AUNIP: variants seen among roughly 807,000 people sequenced by gnomAD.
AUNIP encodes the protein aurora kinase A and ninein interacting protein, also known as aurora kinase A- and ninein-interacting protein.
Under a neutral mutation model 12.2 loss-of-function variants are expected in AUNIP, and 16 were observed. The observed-to-expected ratio is 1.31, with a 90% CI of 0.88 to 1.99. The LOEUF (loss-of-function observed/expected upper bound fraction) is 1.99. AUNIP is among the 30% of genes most tolerant of loss of function. AUNIP has a pLI of 0.00. For missense variants in AUNIP, 411 were observed against 419.1 expected, an observed-to-expected ratio of 0.98 and a Z score of 0.17; for synonymous variants, 142 against 154.8, an observed-to-expected ratio of 0.92 and a Z score of 0.61.
At chr1:25,838,749 A>C (rs2048323260) in intron 1 of AUNIP, among the ~76,000 whole-genome samples, 1 of 152,222 alleles carries the variant, frequency 6.6e-6, no homozygotes, top group Admixed American at 6.5e-5. Context: ...CCTCATCCTT[A>C]TTTAATGTGA....
rs143920532 is a variant in AUNIP at position 25,846,894 on chromosome 1, C to T, written c.79-9340G>A. On this transcript the variant is annotated intron_variant, in intron 1 of 2. Transcript: ENST00000374298. ...CCATTATAGCAGTGGCTGCATATGG[C>T]TCTCTCGGTCACAGAGATGACAGTC... Among the ~76,000 whole-genome samples the T allele has an allele frequency of 6.7e-3, 1,026 of 152,310 alleles. 10 individuals are homozygous for T. The highest frequency in any genetic ancestry group is 0.023 in the African/African-American group (949 of 41,552).
chr1:25,853,444 A>G (rs1385099342), intron 1 of AUNIP, among the ~76,000 whole-genome samples: 1 of 152,054 alleles, frequency 6.6e-6, no homozygotes, highest in Admixed American at 6.6e-5. Context: ...TAAAAATACC[A>G]AAATTAGCCA....
In AUNIP at chr1:25,859,293, C is replaced by T. The variant is rs1344862407; in HGVS notation, c.65G>A (p.Arg22Lys). 4 of 1,577,316 alleles carry T rather than the reference C, an allele frequency of 2.5e-6. No homozygotes were observed. Among genetic ancestry groups the T allele is most frequent in the African/African-American group, 2.7e-5 (2 of 73,748 alleles). Reference sequence around the variant, plus strand: ...CCAGCGTCCCACCTGCACTTTCCGCCTCTTCAGCGCCGCCGCGTCCAGCCA... The same window carrying T: ...CCAGCGTCCCACCTGCACTTTCCGCTTCTTCAGCGCCGCCGCGTCCAGCCA... ...GVWLDAAALKRRKVQTHLIKP... is the reference protein window; with the variant it reads ...GVWLDAAALKKRKVQTHLIKP... The change falls in exon 1 of 3, where the codon AGG (arginine) becomes AAG (lysine). Residue 22 changes from arginine (R) to lysine (K), a missense_variant. Physicochemically the swap from Arg to Lys is conservative, Grantham distance 26. Transcript: ENST00000374298.
chr1:25,833,876 T>C (rs908774161), downstream of AUNIP: 8 of 361,708 alleles, frequency 2.2e-5, no homozygotes, highest in East Asian at 1.0e-3. Flanking sequence ...AATAATGCCT[T>C]GGGTAGAAGA....
chr1:25,838,965 G>A (rs1394856446), intron 1 of AUNIP, among the ~76,000 whole-genome samples: 1 of 152,150 alleles, frequency 6.6e-6, no homozygotes, highest in Admixed American at 6.5e-5. Context: ...TGGAAACTAA[G>A]TTGTACTTTA....
rs554672926 is a variant in AUNIP at position 25,835,058 on chromosome 1, G to C, written c.1009C>G (p.Leu337Val). The C allele has an allele frequency of 1.2e-6, 2 of 1,614,238 alleles. No individual in the cohort carries two copies. Among genetic ancestry groups the C allele is most frequent in the Admixed American group, 3.3e-5 (2 of 60,020 alleles). The part of the protein sequence containing the change: ...QCQEDGPTQN[L>V]KPDLLFTQDS... ...TGGGTAAAGAGCAAATCAGGCTTCA[G>C]ATTTTGAGTTGGCCCATCCTCCTGG... The change falls in exon 3 of 3, where the codon CTG becomes GTG. Residue 337 changes from leucine (L) to valine (V), a missense_variant. Transcript: ENST00000374298.
In AUNIP at chr1:25,834,428, A is replaced by G. The variant is rs1011894739; in HGVS notation, c.*565T>C. On this transcript the variant is annotated 3_prime_UTR_variant, in exon 3 of 3. Transcript: ENST00000374298. ...CAGGAGATGGAGACCATCCTGGCTA[A>G]TATGGTGAAACCTCGTCTCTACTAA... 6 of 848,962 alleles carry G rather than the reference A, an allele frequency of 7.1e-6. No homozygotes were observed. Among genetic ancestry groups the G allele is most frequent in the Non-Finnish European group, 8.5e-6 (6 of 705,816 alleles). The allele number at this position is 848,962 out of a possible 1,614,324, so 52.6% of individuals were successfully genotyped here. A position where few individuals can be genotyped will look rare whatever the true frequency, so the allele number is the denominator to read the frequency against.
rs138954439 is a variant in AUNIP at position 25,854,087 on chromosome 1, T to G, written c.78+5193A>C. On this transcript the variant is annotated intron_variant, in intron 1 of 2. Coordinates refer to ENST00000374298, the MANE Select transcript of AUNIP (RefSeq NM_024037.3). ...TTAGCCGGGCATAGTGGTGCACGCC[T>G]GTAATCCCAGTTACTCATAAGGTGA... 1.7e-3 allele frequency among the ~76,000 whole-genome samples: 252 copies of G among 152,232 alleles called. 2 individuals carry two copies. Among genetic ancestry groups the G allele is most frequent in the East Asian group, 0.011 (56 of 5,180 alleles).
In AUNIP at chr1:25,857,249, T is replaced by C. The variant is rs1241826028; in HGVS notation, c.78+2031A>G. Among the ~76,000 whole-genome samples, 6 of 46,998 alleles carry C rather than the reference T, an allele frequency of 1.3e-4. No individual in the cohort carries two copies. In the South Asian group the frequency reaches 0.016, roughly 124 times the overall value. The allele number at this position is 46,998 out of a possible 152,430, so 30.8% of individuals were successfully genotyped here. ...ATAAATAGCTATTGCACATTTTGAT[T>C]TTTTTTTTTTTTTTTTTGAGACTGA... On this transcript the variant is annotated intron_variant, in intron 1 of 2. Transcript: ENST00000374298.
chr1:25,835,982 T>G, intron 2 of AUNIP, 136 bp from the exon 3 acceptor site: 5 of 1,326,620 alleles, frequency 3.8e-6, no homozygotes, highest in Non-Finnish European at 5.0e-6. Context: ...CACATAACTT[T>G]GTAGCCAATC....
At position 25,834,993 on chromosome 1, in the gene AUNIP, T is replaced by A; in HGVS notation, c.1074A>T (p.Ter358TyrextTer11). The A allele has an allele frequency of 6.2e-7, 1 of 1,601,666 alleles. No homozygotes were observed. Among genetic ancestry groups the A allele is most frequent in the East Asian group, 2.2e-5 (1 of 44,732 alleles). The change falls in exon 3 of 3, where the codon TAA becomes TAT. Residue 358 changes from the stop codon to tyrosine (Y), a stop_lost. Coordinates refer to ENST00000374298, the MANE Select transcript of AUNIP (RefSeq NM_024037.3). ...EGNQVIRHQF[*>Y] ...CTTTTAGAAACAAAGCTTCAAACAT[T>A]TAGAATTGGTGTCTGATAACTTGAT...
chr1:25,844,505 CTTAAA>C (rs1294053842), intron 1 of AUNIP, among the ~76,000 whole-genome samples: 6 of 152,130 alleles, frequency 3.9e-5, no homozygotes, highest in Non-Finnish European at 8.8e-5. Flanking sequence ...TTCCACAGCA[CTTAAA>C]TTAAGTTTAG....
chr1:25,859,175 C>G, intron 1 of AUNIP, 105 bp downstream of exon 1: 2 of 1,220,314 alleles, frequency 1.6e-6, no homozygotes, highest in Non-Finnish European at 2.3e-6. Context: ...CTTCTCTGTC[C>G]CCGACTTCGC....
In AUNIP at chr1:25,841,745, C is replaced by T. The variant is rs186320436; in HGVS notation, c.79-4191G>A. Among the ~76,000 whole-genome samples, 400 of 152,114 alleles carry T rather than the reference C, an allele frequency of 2.6e-3. 2 individuals are homozygous for T. Among genetic ancestry groups the T allele is most frequent in the African/African-American group, 9.0e-3 (373 of 41,488 alleles). ...TTCACTGTGTTGGCCAGGATGGTCTCGATCTCCTGACCTCGTGATCCGCCC... is the reference window on the plus strand; with the variant it reads ...TTCACTGTGTTGGCCAGGATGGTCTTGATCTCCTGACCTCGTGATCCGCCC... On this transcript the variant is annotated intron_variant, in intron 1 of 2. Coordinates refer to ENST00000374298, the MANE Select transcript of AUNIP (RefSeq NM_024037.3).
At chr1:25,842,586 G>A (rs2048354019) in intron 1 of AUNIP, among the ~76,000 whole-genome samples, 1 of 152,232 alleles carries the variant, frequency 6.6e-6, no homozygotes, top group Non-Finnish European at 1.5e-5. Flanking sequence ...GTCTTACATA[G>A]GAAGAAGATG....
At chr1:25,856,321 G>A (rs1418194594) in intron 1 of AUNIP, among the ~76,000 whole-genome samples, 1 of 150,884 alleles carries the variant, frequency 6.6e-6, no homozygotes, top group African/African-American at 2.5e-5. Context: ...CCGAGATCAT[G>A]CCACTACACT....
chr1:25,835,995 C>T (rs1377820347), intron 2 of AUNIP, 149 bp from the exon 3 acceptor site: 3 of 1,264,146 alleles, frequency 2.4e-6, no homozygotes, highest in Non-Finnish European at 3.2e-6. Context: ...AGCCAATCTT[C>T]CTGTTTTCAA....
downstream of AUNIP, chr1:25,832,004 A>G (rs200691279): frequency 5.6e-5 from 90 of 1,614,216 alleles, 1 homozygote; most frequent in East Asian, 9.6e-4. Flanking sequence ...AAGGAAGAAG[A>G]TATCAGTAGA....
intron 1 of AUNIP, among the ~76,000 whole-genome samples, chr1:25,846,034 C>T (rs375301996): frequency 1.4e-4 from 22 of 152,248 alleles, no homozygotes; most frequent in East Asian, 9.6e-4. Flanking sequence ...GAAAATTCAA[C>T]GGGGAAAGGA....
Sources: gnomAD v4.1 joint callset for allele counts (sites outside exome capture counted in the v4.1 genomes callset) on GRCh38, gnomAD v4.1.1 for gene constraint, MANE v1.5 for transcripts, NCBI Gene and HGNC (gene_info 2026-07-23, HGNC 2026-07-21) for gene names.